PRDM2: variants seen among roughly 807,000 people sequenced by gnomAD.
PRDM2 encodes the protein PR domain zinc finger protein 2.
In PRDM2, 30 loss-of-function variants were observed where a neutral mutation model predicts 130.0. The observed-to-expected ratio is 0.23, with a 90% CI of 0.17 to 0.31. The LOEUF is 0.31. PRDM2 is among the 10% of genes least tolerant of loss of function. The pLI, the probability that PRDM2 is intolerant of heterozygous loss-of-function variation, is 1.00. For missense variants in PRDM2, 2,011 were observed against 2,108.4 expected (o/e 0.95, Z 0.90); for synonymous variants, 871 against 782.4 (o/e 1.11, Z -1.89).
rs770299670 is a variant in PRDM2, at chr1:13,778,646, AT to A, written c.852del (p.Asp284GlufsTer22). ...EEEDEEEEED[D>X]DDDELEDEGE... ...GAGGATGAAGAAGAAGAAGAAGATG[AT>A]GATGATGATGAGTTGGAAGACGAGG... On this transcript the variant is annotated frameshift_variant, in exon 8 of 10. Coordinates refer to ENST00000311066, the MANE Select transcript of PRDM2 (RefSeq NM_001393986.1). LOFTEE classifies it high-confidence loss of function. The A allele has an allele frequency of 5.1e-3, 8,212 of 1,613,672 alleles. 39 individuals are homozygous for A. The highest frequency in any genetic ancestry group is 0.019 in the Middle Eastern group (118 of 6,054).
intron 1 of PRDM2, among the ~76,000 whole-genome samples, chr1:13,709,196 G>A (rs1465967025): frequency 2.0e-5 from 3 of 151,232 alleles, no homozygotes; most frequent in East Asian, 3.9e-4. Flanking sequence ...TATTAGCAGT[G>A]GGTTTTTTGG....
At chr1:13,735,460 A>T (rs1643239369) in intron 4 of PRDM2, among the ~76,000 whole-genome samples, 1 of 152,208 alleles carries the variant, frequency 6.6e-6, no homozygotes, top group African/African-American at 2.4e-5. Flanking sequence ...CTTTTATGGG[A>T]TTCAAATTGC....
rs139723783 is a variant in PRDM2 at position 13,782,598 on chromosome 1, T to C, written c.4803T>C (p.Ala1601=). The change falls in exon 8 of 10, where the codon GCT becomes GCC. Residue 1601 remains alanine, a synonymous_variant. Transcript: ENST00000311066. ...AAGCTGTGGCCAAGAATCATTCTGC[T>C]CAGCTTTCCAGCAAAACATCACGGA... is the stretch of plus-strand genomic sequence containing the variant. The part of the protein sequence containing the change: ...KPKAVAKNHS[A]QLSSKTSRSL... 7.4e-6 allele frequency: 12 copies of C among 1,614,038 alleles called. No individual in the cohort carries two copies. In the African/African-American group the frequency reaches 1.3e-4, roughly 18 times the overall value.
At chr1:13,716,322 G>C in intron 2 of PRDM2, among the ~76,000 whole-genome samples, 1 of 124,918 alleles carries the variant, frequency 8.0e-6, no homozygotes, top group Admixed American at 8.7e-5. Flanking sequence ...AGGGGGGAGG[G>C]ATAGCATTGG....
chr1:13,770,691 A>T (rs953653979), intron 6 of PRDM2, among the ~76,000 whole-genome samples: 1 of 152,206 alleles, frequency 6.6e-6, no homozygotes, highest in Non-Finnish European at 1.5e-5. Context: ...AGTAAGTACT[A>T]AGTAAATGAT....
At chr1:13,786,373 C>A in intron 8 of PRDM2, 1 of 1,123,524 alleles carries the variant, frequency 8.9e-7, no homozygotes, top group Non-Finnish European at 1.3e-6. Context: ...GTAGGACGCT[C>A]GTTCCTAAAT....
chr1:13,700,943 A>G lies in PRDM2; in HGVS notation c.-66+643A>G, dbSNP rs74056422. Among the ~76,000 whole-genome samples the G allele has an allele frequency of 6.7e-3, 1,014 of 152,280 alleles. 13 individuals are homozygous for G. Among genetic ancestry groups the G allele is most frequent in the African/African-American group, 0.023 (959 of 41,560 alleles). Reference sequence around the variant, plus strand: ...ACTAATTTTGCTAATAAAGCTATCAATGAACCTCTTTTGATGGTGGTAAGT... The same window carrying G: ...ACTAATTTTGCTAATAAAGCTATCAGTGAACCTCTTTTGATGGTGGTAAGT... On this transcript the variant is annotated intron_variant, in intron 1 of 9. Transcript: ENST00000311066.
intron 1 of PRDM2, among the ~76,000 whole-genome samples, chr1:13,708,801 G>A (rs767564291): frequency 3.9e-4 from 59 of 152,194 alleles, no homozygotes; most frequent in South Asian, 6.2e-4. Context: ...AGGCGTGAGT[G>A]GTTTCAAGCA....
intron 8 of PRDM2, chr1:13,787,717 T>C (rs1644770151): frequency 2.0e-6 from 2 of 984,882 alleles, no homozygotes; most frequent in Admixed American, 1.2e-4. Context: ...ACTTTTTTTG[T>C]TGGCGTTGTT....
intron 8 of PRDM2, among the ~76,000 whole-genome samples, chr1:13,804,074 G>A (rs970464527): frequency 1.3e-5 from 2 of 152,052 alleles, no homozygotes; most frequent in African/African-American, 2.4e-5. Flanking sequence ...TTAAGTACAC[G>A]AGTTACTTAA....
At chr1:13,765,007 A>G (rs1644189674) in intron 6 of PRDM2, among the ~76,000 whole-genome samples, 1 of 152,264 alleles carries the variant, frequency 6.6e-6, no homozygotes, top group South Asian at 2.1e-4. Context: ...TGGCATGTTA[A>G]CTTTTATAAA....
At chr1:13,750,189 A>T (rs1643777512) in intron 6 of PRDM2, among the ~76,000 whole-genome samples, 1 of 152,004 alleles carries the variant, frequency 6.6e-6, no homozygotes, top group Non-Finnish European at 1.5e-5. Context: ...GGGAGGGGAT[A>T]ATTTCTGGGT....
chr1:13,753,563 CAA>C (rs1482278443), intron 6 of PRDM2, among the ~76,000 whole-genome samples: 16 of 152,140 alleles, frequency 1.1e-4, no homozygotes, highest in Admixed American at 3.3e-4. Flanking sequence ...TGCGAAATAA[CAA>C]GCCTTTAGAA....
intron 6 of PRDM2, among the ~76,000 whole-genome samples, chr1:13,749,874 C>G (rs1283174845): frequency 1.3e-5 from 2 of 152,126 alleles, no homozygotes; most frequent in Non-Finnish European, 2.9e-5. Context: ...ACGGCGGGCG[C>G]CCGAGCTTTC....
chr1:13,800,955 G>A (rs1477811689), intron 8 of PRDM2, among the ~76,000 whole-genome samples: 2 of 152,216 alleles, frequency 1.3e-5, no homozygotes, highest in African/African-American at 2.4e-5. Flanking sequence ...GAGGGGGCAG[G>A]TGACCCGCTC....
intron 5 of PRDM2, among the ~76,000 whole-genome samples, chr1:13,743,504 T>C (rs1643514694): frequency 6.6e-6 from 1 of 152,116 alleles, no homozygotes; most frequent in Admixed American, 6.6e-5. Context: ...TGTTGCTTTT[T>C]GCAATAGATA....
intron 4 of PRDM2, among the ~76,000 whole-genome samples, chr1:13,739,781 T>C (rs1326669142): frequency 6.6e-6 from 1 of 152,188 alleles, no homozygotes. Context: ...TATATATTTT[T>C]GGTCAGGTAC....
intron 6 of PRDM2, among the ~76,000 whole-genome samples, chr1:13,767,444 A>G (rs1569939171): frequency 6.7e-6 from 1 of 148,180 alleles, no homozygotes. Flanking sequence ...GGCATACACC[A>G]CCACGCACAG....
intron 8 of PRDM2, among the ~76,000 whole-genome samples, chr1:13,812,243 G>C (rs1053012376): frequency 1.3e-5 from 2 of 152,154 alleles, no homozygotes; most frequent in Non-Finnish European, 1.5e-5. Flanking sequence ...GGTTGTGCTG[G>C]GTGGTGGCAA....
Sources: allele counts gnomAD v4.1 joint callset (sites outside exome capture counted in the v4.1 genomes callset), GRCh38; gene constraint gnomAD v4.1.1; transcripts MANE v1.5; gene names NCBI Gene and HGNC (gene_info 2026-07-23, HGNC 2026-07-21).